The following COL6A3 variants were observed in gnomAD, a reference collection of about 807,000 sequenced individuals.
The protein encoded by COL6A3 is collagen type VI alpha 3 chain.
COL6A3 carries 137 observed loss-of-function variants against 274.1 expected under a neutral mutation model. That is an observed-to-expected ratio of 0.50 (90% CI 0.44 to 0.58). The LOEUF (loss-of-function observed/expected upper bound fraction) is 0.58. Ranked by LOEUF, COL6A3 falls within the 20% of genes least tolerant of loss-of-function variation. The probability of loss-of-function intolerance (pLI) is 0.00; values close to 1 mark genes in which losing one functional copy is unlikely to be tolerated. For synonymous variants in COL6A3, 1,650 were observed against 1,650.6 expected (o/e 1.00, Z 0.01); for missense variants, 3,950 against 4,124.9 (o/e 0.96, Z 1.16).
chr2:237,382,637 C>T (rs540166532), intron 4 of COL6A3, among the ~76,000 whole-genome samples: 13 of 152,178 alleles, frequency 8.5e-5, no homozygotes, highest in Admixed American at 6.5e-4. Context: ...CTGAGATGGA[C>T]TGTTTTGCAA....
At chr2:237,409,448 C>T (rs1344570001) in intron 1 of COL6A3, among the ~76,000 whole-genome samples, 1 of 152,126 alleles carries the variant, frequency 6.6e-6, no homozygotes, top group Non-Finnish European at 1.5e-5. Context: ...CCTCAGGGCT[C>T]AAGGCCATGA....
chr2:237,383,913 GGGAACCCTGA>G (rs1392504493), intron 4 of COL6A3, among the ~76,000 whole-genome samples: 1 of 152,030 alleles, frequency 6.6e-6, no homozygotes, highest in Non-Finnish European at 1.5e-5. Flanking sequence ...ATTCAGCTCT[GGGAACCCTGA>G]AATGCACCTC....
chr2:237,384,465 A>C (rs2078093114), intron 4 of COL6A3, among the ~76,000 whole-genome samples: 1 of 151,832 alleles, frequency 6.6e-6, no homozygotes, highest in South Asian at 2.1e-4. Flanking sequence ...CTGCACCTCC[A>C]TCAGACTCTC....
At chr2:237,390,710 A>G (rs566735159) in intron 3 of COL6A3, among the ~76,000 whole-genome samples, 2 of 152,290 alleles carry the variant, frequency 1.3e-5, no homozygotes, top group Admixed American at 1.3e-4. Flanking sequence ...AGCTCATGTG[A>G]TGCCTCCTTT....
intron 26 of COL6A3, 49 bp from the exon 27 acceptor site, chr2:237,351,241 G>A: frequency 6.3e-7 from 1 of 1,583,424 alleles, no homozygotes; most frequent in Non-Finnish European, 8.7e-7. Context: ...AACCGTCCAG[G>A]CAAATTGGTC....
At chr2:237,338,965 G>T in intron 39 of COL6A3, 50 bp downstream of exon 39, 1 of 1,450,190 alleles carries the variant, frequency 6.9e-7, no homozygotes, top group Non-Finnish European at 9.7e-7. Context: ...GAGGACCTGT[G>T]CATTCCCTGC....
Position 237,364,983 on chromosome 2 carries a change from G to C in COL6A3, c.5839-555C>G, listed in dbSNP as rs2077520072. Reference sequence around the variant, plus strand: ...GCTAAATTGTGTCCCCTCAAAATTTGTATGTTAAGTCCTAAACCCCAGTAC... The same window carrying C: ...GCTAAATTGTGTCCCCTCAAAATTTCTATGTTAAGTCCTAAACCCCAGTAC... On this transcript the variant is annotated intron_variant, in intron 12 of 43. Coordinates refer to ENST00000295550, the MANE Select transcript of COL6A3 (RefSeq NM_004369.4). The surrounding 1 kb of genome is among the most constrained non-coding windows in gnomAD (Gnocchi z 4.6). Among the ~76,000 whole-genome samples, 2 of 151,630 alleles carry C rather than the reference G, an allele frequency of 1.3e-5. No individual in the cohort carries two copies. Among genetic ancestry groups the C allele is most frequent in the Admixed American group, 1.3e-4 (2 of 15,178 alleles).
intron 37 of COL6A3, among the ~76,000 whole-genome samples, chr2:237,341,571 A>C (rs988600503): frequency 1.5e-5 from 2 of 136,976 alleles, no homozygotes; most frequent in African/African-American, 2.7e-5. Flanking sequence ...AAAAAAAAAA[A>C]CATCACAACC....
intron 21 of COL6A3, among the ~76,000 whole-genome samples, chr2:237,358,305 G>T (rs2077361938): frequency 1.3e-5 from 2 of 152,198 alleles, no homozygotes; most frequent in Admixed American, 6.5e-5. Flanking sequence ...AAACTTCTCA[G>T]ATATTTGTAT....
rs2106326787 is a variant in COL6A3, at chr2:237,346,412, T to C, written c.7092+91A>G. ...CAAATACAAAGAGAGCACATTTTCT[T>C]GTGAGCAAAGCAGATGGTGGGAAGT... On this transcript the variant is annotated intron_variant, in intron 32 of 43. Coordinates refer to ENST00000295550, the MANE Select transcript of COL6A3 (RefSeq NM_004369.4). 3 of 1,093,460 alleles carry C rather than the reference T, an allele frequency of 2.7e-6. No homozygotes were observed. The South Asian group carries it at 3.8e-5, about 14-fold the overall frequency. 67.7% of individuals were successfully genotyped at this position (1,093,460 alleles called of 1,614,324 possible).
chr2:237,378,722 G>A lies in COL6A3; in HGVS notation c.2411C>T (p.Ser804Phe), dbSNP rs2077916897. The part of the protein sequence containing the change: ...SLVYLMDDFS[S>F]LPALPQQLIQ... ...CAGCTGCTGAGGCAAAGCTGGCAGG[G>A]AGCTGAAATCATCCATGAGATACAC... The change falls in exon 6 of 44, where the codon TCC becomes TTC. Residue 804 changes from serine (S) to phenylalanine (F), a missense_variant. By Grantham distance (155) the Ser-to-Phe change is radical. Transcript: ENST00000295550. 4 of 1,613,922 alleles carry A rather than the reference G, an allele frequency of 2.5e-6. No individual in the cohort carries two copies. The highest frequency in any genetic ancestry group is 2.7e-5 in the African/African-American group (2 of 74,938).
chr2:237,371,544 G>A lies in COL6A3; in HGVS notation c.4285+188C>T. Reference sequence around the variant, plus strand: ...TCCCAGAAGGCAGAGGTTAAAATGAGTTATGATCATGCCACTGCACTCCAG... The same window carrying A: ...TCCCAGAAGGCAGAGGTTAAAATGAATTATGATCATGCCACTGCACTCCAG... On this transcript the variant is annotated intron_variant, in intron 9 of 43. Transcript: ENST00000295550. This position sits in a 1 kb window ranked among gnomAD's most constrained non-coding sequence, Gnocchi z 4.3. 7.6e-7 allele frequency: 1 copy of A among 1,307,640 alleles called. No individual in the cohort carries two copies. The highest frequency in any genetic ancestry group is 2.9e-5 in the Admixed American group (1 of 34,240). 81.0% of individuals were successfully genotyped at this position (1,307,640 alleles called of 1,614,324 possible).
intron 5 of COL6A3, among the ~76,000 whole-genome samples, chr2:237,380,303 A>G (rs2077968882): frequency 6.6e-6 from 1 of 152,242 alleles, no homozygotes; most frequent in African/African-American, 2.4e-5. Flanking sequence ...GTATTTCTTC[A>G]ACTCATTAGC....
chr2:237,331,136 A>G (rs1166598021), intron 42 of COL6A3, among the ~76,000 whole-genome samples: 1 of 152,244 alleles, frequency 6.6e-6, no homozygotes, highest in Admixed American at 6.5e-5. Context: ...TATTTTTAAA[A>G]CTTCATTTTG....
Position 237,376,770 on chromosome 2 carries a change from A to G in COL6A3, c.3070+2T>C. On this transcript the variant is annotated splice_donor_variant, in intron 7 of 43. Coordinates refer to ENST00000295550, the MANE Select transcript of COL6A3 (RefSeq NM_004369.4). LOFTEE classifies it high-confidence loss of function. ...AGAGCAACTAGCATTTCTCTACCAT[A>G]CCTGGTGCTGGTGCTCCGTTGTGCA... is the stretch of plus-strand genomic sequence containing the variant. 1 of 1,614,106 alleles carries G rather than the reference A, an allele frequency of 6.2e-7. No individual in the cohort carries two copies. Among genetic ancestry groups the G allele is most frequent in the Non-Finnish European group, 8.5e-7 (1 of 1,179,964 alleles).
chr2:237,401,974 T>G (rs1253440346), intron 1 of COL6A3, among the ~76,000 whole-genome samples: 1 of 152,146 alleles, frequency 6.6e-6, no homozygotes, highest in Non-Finnish European at 1.5e-5. Flanking sequence ...CGTGAGCCAC[T>G]GTGCACGGCC....
intron 6 of COL6A3, among the ~76,000 whole-genome samples, chr2:237,378,086 T>C (rs1237756062): frequency 6.6e-6 from 1 of 152,246 alleles, no homozygotes; most frequent in East Asian, 1.9e-4. Flanking sequence ...GTAGATCTGA[T>C]ACAACCATAT....
chr2:237,331,733 A>T (rs906869658), intron 42 of COL6A3, among the ~76,000 whole-genome samples: 6 of 151,776 alleles, frequency 4.0e-5, no homozygotes, highest in African/African-American at 1.5e-4. Context: ...TTAAAAAAAA[A>T]AAAAGGTAAT....
intron 3 of COL6A3, among the ~76,000 whole-genome samples, chr2:237,390,457 T>C (rs1248603894): frequency 6.6e-6 from 1 of 152,240 alleles, no homozygotes; most frequent in Non-Finnish European, 1.5e-5. Context: ...ACAGGGGCCA[T>C]GTGTGCTTGT....
Sources: allele counts gnomAD v4.1 joint callset (sites outside exome capture counted in the v4.1 genomes callset), GRCh38; gene constraint gnomAD v4.1.1; non-coding constraint Gnocchi (gnomAD v3.1); transcripts MANE v1.5; gene names NCBI Gene and HGNC (gene_info 2026-07-23, HGNC 2026-07-21).